ABCA13: variants seen among roughly 807,000 people sequenced by gnomAD.
ABCA13 encodes ATP binding cassette subfamily A member 13, also known as ATP-binding cassette sub-family A member 13.
A neutral mutation model predicts 478.7 loss-of-function variants in ABCA13; 476 were observed. The ratio of observed to expected loss-of-function variants is 0.99; its 90% confidence interval spans 0.92 to 1.07. ABCA13 has a LOEUF of 1.07. Ranked by LOEUF, ABCA13 falls within the 50% of genes least tolerant of loss-of-function variation. The pLI is 0.00. For missense variants in ABCA13, 6,060 were observed against 5,910.6 expected, an observed-to-expected ratio of 1.03 and a Z score of -0.83; for synonymous variants, 2,252 against 2,158.9, an observed-to-expected ratio of 1.04 and a Z score of -1.20.
chr7:48,329,862 C>A (rs1386813953), intron 27 of ABCA13, among the ~76,000 whole-genome samples: 2 of 149,078 alleles, frequency 1.3e-5, no homozygotes, highest in Non-Finnish European at 3.0e-5. Context: ...TCCATCCACA[C>A]ATTTGTCTCT....
At chr7:48,441,492 G>A (rs556200761) in intron 42 of ABCA13, among the ~76,000 whole-genome samples, 1 of 152,226 alleles carries the variant, frequency 6.6e-6, no homozygotes, top group Admixed American at 6.5e-5. Flanking sequence ...TTGCTTTTCT[G>A]AGGGATTGAT....
At chr7:48,450,972 CTTT>C (rs11423408) in intron 42 of ABCA13, among the ~76,000 whole-genome samples, 2 of 139,694 alleles carry the variant, frequency 1.4e-5, no homozygotes, top group Middle Eastern at 3.6e-3. Context: ...TTATTATATT[CTTT>C]TTTTTTTTTC....
intron 35 of ABCA13, among the ~76,000 whole-genome samples, chr7:48,384,375 C>T (rs1434246812): frequency 6.6e-6 from 1 of 152,260 alleles, no homozygotes; most frequent in Non-Finnish European, 1.5e-5. Flanking sequence ...CATGACTGCA[C>T]TTGCGTGTTC....
intron 55 of ABCA13, among the ~76,000 whole-genome samples, chr7:48,555,074 G>T (rs752650007): frequency 2.8e-4 from 43 of 151,762 alleles, no homozygotes; most frequent in Non-Finnish European, 5.3e-4. Context: ...TACTTTTTCA[G>T]TATCAATTGA....
chr7:48,495,653 G>T (rs1054304677), intron 48 of ABCA13, among the ~76,000 whole-genome samples: 6 of 152,098 alleles, frequency 3.9e-5, no homozygotes, highest in African/African-American at 1.2e-4. Context: ...GCTGAGAGGC[G>T]AGTAGTAAAG....
intron 57 of ABCA13, among the ~76,000 whole-genome samples, chr7:48,589,340 G>A (rs1200978407): frequency 6.6e-6 from 1 of 151,694 alleles, no homozygotes; most frequent in East Asian, 1.9e-4. Context: ...AAACATCAGG[G>A]TTGGCTTACC....
At position 48,525,541 on chromosome 7, in the gene ABCA13, G is replaced by A. The variant is rs141571381; in HGVS notation, c.14244+1101G>A. ...ACCCAAAGATACAGGGAAACTGTCT[G>A]TTTTTATGCTTAGGTTCAACCAAGT... is the stretch of plus-strand genomic sequence containing the variant. On this transcript the variant is annotated intron_variant, in intron 54 of 61. Coordinates refer to ENST00000435803, the MANE Select transcript of ABCA13 (RefSeq NM_152701.5). 2.9e-3 allele frequency among the ~76,000 whole-genome samples: 445 copies of A among 152,116 alleles called. 1 individual carries two copies. Among genetic ancestry groups the A allele is most frequent in the African/African-American group, 0.01 (432 of 41,528 alleles).
At chr7:48,415,700 C>T (rs2129105417) in intron 41 of ABCA13, among the ~76,000 whole-genome samples, 1 of 152,106 alleles carries the variant, frequency 6.6e-6, no homozygotes, top group South Asian at 2.1e-4. Flanking sequence ...TTTTGTGGAA[C>T]ATTTTGCTTC....
At chr7:48,331,585 AG>A (rs1164747495) in intron 27 of ABCA13, among the ~76,000 whole-genome samples, 2 of 152,208 alleles carry the variant, frequency 1.3e-5, no homozygotes, top group Non-Finnish European at 2.9e-5. Flanking sequence ...ATTTGGAGGC[AG>A]TTGTAGATTT....
At chr7:48,345,107 C>T (rs1488581099) in intron 29 of ABCA13, among the ~76,000 whole-genome samples, 1 of 152,148 alleles carries the variant, frequency 6.6e-6, no homozygotes. Flanking sequence ...TTGTAGCTGT[C>T]AGCACATTGT....
At chr7:48,527,940 A>C (rs9969343) in intron 54 of ABCA13, among the ~76,000 whole-genome samples, 10,274 of 152,240 alleles carry the variant, frequency 0.067, 448 homozygotes, top group African/African-American at 0.12. Flanking sequence ...GGTAGTTGGC[A>C]TTTACTTCTC....
chr7:48,483,145 A>AC lies in ABCA13; in HGVS notation c.13169dup (p.Thr4391AsnfsTer8). The AC allele has an allele frequency of 1.9e-6, 3 of 1,612,682 alleles. No homozygotes were observed. Among genetic ancestry groups the AC allele is most frequent in the East Asian group, 4.5e-5 (2 of 44,830 alleles). On this transcript the variant is annotated frameshift_variant, in exon 47 of 62. Coordinates refer to ENST00000435803, the MANE Select transcript of ABCA13 (RefSeq NM_152701.5). LOFTEE classifies it high-confidence loss of function. ...GAGGTGCAAATGGAAACATATCAAA[A>AC]CCCCCAACTCTGGCAAAGGTAATCA...
intron 38 of ABCA13, among the ~76,000 whole-genome samples, chr7:48,394,284 G>A (rs1370833636): frequency 1.3e-5 from 2 of 152,186 alleles, no homozygotes; most frequent in Non-Finnish European, 2.9e-5. Flanking sequence ...AGCCCTGCCA[G>A]CCTCTCTTGC....
At chr7:48,294,936 C>G (rs941037115) in intron 20 of ABCA13, among the ~76,000 whole-genome samples, 2 of 152,144 alleles carry the variant, frequency 1.3e-5, no homozygotes, top group Non-Finnish European at 2.9e-5. Context: ...CACATTTTCT[C>G]TATTCATTCA....
At chr7:48,350,615 T>A (rs1165444873) in intron 29 of ABCA13, 28 bp from the exon 30 acceptor site, 1 of 1,542,962 alleles carries the variant, frequency 6.5e-7, no homozygotes, top group Non-Finnish European at 8.8e-7. Flanking sequence ...CAGAAGTTGA[T>A]GTGTCCTAAT....
At chr7:48,208,545 G>T (rs1253869201) in intron 3 of ABCA13, among the ~76,000 whole-genome samples, 5 of 151,834 alleles carry the variant, frequency 3.3e-5, no homozygotes, top group African/African-American at 1.2e-4. Context: ...TTTATTCCTA[G>T]GTATGTTATT....
intron 39 of ABCA13, among the ~76,000 whole-genome samples, chr7:48,405,155 G>A (rs922141126): frequency 6.6e-6 from 1 of 152,260 alleles, no homozygotes; most frequent in Non-Finnish European, 1.5e-5. Flanking sequence ...TGCTGCCATG[G>A]AAGTAGGGGA....
intron 47 of ABCA13, among the ~76,000 whole-genome samples, chr7:48,487,183 G>A (rs1346588736): frequency 6.6e-6 from 1 of 152,030 alleles, no homozygotes; most frequent in East Asian, 1.9e-4. Flanking sequence ...GGTGGCACAT[G>A]CCTGTAATGC....
At chr7:48,251,213 A>G (rs189726459) in intron 15 of ABCA13, among the ~76,000 whole-genome samples, 6 of 152,214 alleles carry the variant, frequency 3.9e-5, no homozygotes, top group African/African-American at 1.2e-4. Context: ...ACTTTCTCCT[A>G]TACTACCTGT....
Sources: allele counts gnomAD v4.1 joint callset (sites outside exome capture counted in the v4.1 genomes callset), GRCh38; gene constraint gnomAD v4.1.1; transcripts MANE v1.5; gene names NCBI Gene and HGNC (gene_info 2026-07-23, HGNC 2026-07-21).